The following NR2F1-AS1 variants were observed in gnomAD, a reference collection of about 807,000 sequenced individuals.
The protein encoded by NR2F1-AS1 is NR2F1 antisense RNA 1.
intron 4 of NR2F1-AS1, among the ~76,000 whole-genome samples, chr5:93,546,276 T>G (rs528476646): frequency 1.3e-5 from 2 of 152,184 alleles, no homozygotes; most frequent in Non-Finnish European, 2.9e-5. Flanking sequence ...TTTCTACTTA[T>G]AGATTAAATA....
intron 1 of NR2F1-AS1, chr5:93,580,352 G>A (rs1305833771): frequency 6.6e-6 from 1 of 152,364 alleles, no homozygotes; most frequent in Non-Finnish European, 1.5e-5. Context: ...GTCCCGCCCT[G>A]GCTGCCTAGA....
chr5:93,558,325 T>C (rs974393780), intron 2 of NR2F1-AS1, among the ~76,000 whole-genome samples: 2 of 151,752 alleles, frequency 1.3e-5, no homozygotes, highest in African/African-American at 4.8e-5. Context: ...ATTTCTTTTT[T>C]TTTTTTTTTT....
intron 4 of NR2F1-AS1, among the ~76,000 whole-genome samples, chr5:93,493,278 T>C (rs1278709360): frequency 6.6e-6 from 1 of 151,808 alleles, no homozygotes; most frequent in East Asian, 1.9e-4. Flanking sequence ...TAAAAACAAT[T>C]CCATTTACAA....
chr5:93,583,873 C>T (rs1753173687), upstream of NR2F1-AS1: 1 of 152,448 alleles, frequency 6.6e-6, no homozygotes, highest in South Asian at 2.1e-4. Flanking sequence ...TCGTCGCCGG[C>T]GTGAATTATC....
rs1476312570 is a variant in NR2F1-AS1 at position 93,516,836 on chromosome 5, T to C, written n.638+36925A>G. Reference sequence around the variant, plus strand: ...CTAGGACAGAATAATCTGAGTCTTTTATATTATCAGAAAAGAAATATCACT... The same window carrying C: ...CTAGGACAGAATAATCTGAGTCTTTCATATTATCAGAAAAGAAATATCACT... On this transcript the variant is annotated intron_variant and non_coding_transcript_variant, in intron 4 of 5. Coordinates refer to ENST00000660523, the Ensembl canonical transcript of NR2F1-AS1. Among the ~76,000 whole-genome samples the C allele has an allele frequency of 5.9e-5, 9 of 152,104 alleles. No homozygotes were observed. The South Asian group carries it at 1.7e-3, about 28-fold the overall frequency.
intron 4 of NR2F1-AS1, among the ~76,000 whole-genome samples, chr5:93,500,799 C>A (rs1166334152): frequency 7.9e-5 from 12 of 152,052 alleles, no homozygotes; most frequent in Admixed American, 7.2e-4. Context: ...GCCACCATGC[C>A]CAGCAAATTT....
intron 4 of NR2F1-AS1, among the ~76,000 whole-genome samples, chr5:93,487,911 A>C (rs1580269188): frequency 6.6e-6 from 1 of 152,214 alleles, no homozygotes; most frequent in East Asian, 1.9e-4. Flanking sequence ...CCAATGGAAC[A>C]GAACAGAGGC....
chr5:93,470,527 T>C (rs778859471), intron 4 of NR2F1-AS1, among the ~76,000 whole-genome samples: 2 of 151,834 alleles, frequency 1.3e-5, no homozygotes, highest in Non-Finnish European at 3.0e-5. Flanking sequence ...TCTATATATA[T>C]ATATATTACA....
At chr5:93,457,168 G>A (rs1001032602) in intron 4 of NR2F1-AS1, among the ~76,000 whole-genome samples, 17 of 152,098 alleles carry the variant, frequency 1.1e-4, no homozygotes, top group African/African-American at 3.4e-4. Flanking sequence ...TACGGGTGTC[G>A]GGCTGGGGAA....
intron 4 of NR2F1-AS1, among the ~76,000 whole-genome samples, chr5:93,449,068 T>A (rs968225755): frequency 6.6e-6 from 1 of 152,188 alleles, no homozygotes; most frequent in East Asian, 1.9e-4. Context: ...GATTAAAAAT[T>A]AGGATTTTGA....
At chr5:93,456,609 T>C (rs1236812792) in intron 4 of NR2F1-AS1, among the ~76,000 whole-genome samples, 1 of 152,062 alleles carries the variant, frequency 6.6e-6, no homozygotes, top group Non-Finnish European at 1.5e-5. Context: ...AAAATTTAAA[T>C]GAAAATACAA....
rs547344382 is a variant in NR2F1-AS1, at chr5:93,441,835, T to C, written n.639-46293A>G. The stretch of plus-strand genomic sequence containing the variant: ...GTAGATGCTCAACAGAAGGCAGTCA[T>C]AATTTTGTAAGATTCTCCCTAAGAA... On this transcript the variant is annotated intron_variant and non_coding_transcript_variant, in intron 4 of 5. Coordinates refer to ENST00000660523, the Ensembl canonical transcript of NR2F1-AS1. Among the ~76,000 whole-genome samples the C allele has an allele frequency of 2.0e-5, 3 of 152,294 alleles. No homozygotes were observed. In the South Asian group the frequency reaches 6.2e-4, roughly 32 times the overall value.
At chr5:93,479,845 A>T (rs1052474921) in intron 4 of NR2F1-AS1, among the ~76,000 whole-genome samples, 3 of 151,654 alleles carry the variant, frequency 2.0e-5, no homozygotes, top group Non-Finnish European at 4.4e-5. Context: ...AATAGAAATT[A>T]TTTTTTTTTA....
At chr5:93,490,142 T>C (rs1278127961) in intron 4 of NR2F1-AS1, among the ~76,000 whole-genome samples, 1 of 152,076 alleles carries the variant, frequency 6.6e-6, no homozygotes, top group African/African-American at 2.4e-5. Context: ...AATAGAATGT[T>C]ATAAAGATGA....
intron 4 of NR2F1-AS1, among the ~76,000 whole-genome samples, chr5:93,436,662 T>C (rs1328117237): frequency 6.6e-6 from 1 of 152,190 alleles, no homozygotes; most frequent in East Asian, 1.9e-4. Flanking sequence ...GAGATGCTTC[T>C]GTACTATAAA....
chr5:93,451,560 G>T (rs1311334680), intron 4 of NR2F1-AS1, among the ~76,000 whole-genome samples: 1 of 151,958 alleles, frequency 6.6e-6, no homozygotes, highest in African/African-American at 2.4e-5. Flanking sequence ...GTACCACCAC[G>T]CCTGGCTTAT....
At chr5:93,569,475 C>T (rs1428568348) in intron 1 of NR2F1-AS1, among the ~76,000 whole-genome samples, 1 of 152,202 alleles carries the variant, frequency 6.6e-6, no homozygotes, top group African/African-American at 2.4e-5. Context: ...TGTGCTTCAG[C>T]GTTTCCCTGA....
chr5:93,569,768 T>C (rs1240979407), intron 1 of NR2F1-AS1: 1 of 152,254 alleles, frequency 6.6e-6, no homozygotes, highest in Admixed American at 6.5e-5. Flanking sequence ...TATTCATAAA[T>C]TGGCTGAGCT....
intron 4 of NR2F1-AS1, among the ~76,000 whole-genome samples, chr5:93,522,893 G>T (rs1191279040): frequency 6.6e-6 from 1 of 152,070 alleles, no homozygotes; most frequent in Non-Finnish European, 1.5e-5. Context: ...CAGGGCCCTG[G>T]GTTTCAAGCA....
Sources: allele counts gnomAD v4.1 joint callset (sites outside exome capture counted in the v4.1 genomes callset), GRCh38; gene constraint gnomAD v4.1.1; transcripts MANE v1.5; gene names NCBI Gene and HGNC (gene_info 2026-07-23, HGNC 2026-07-21).